SLC10A7: variants seen among roughly 807,000 people sequenced by gnomAD.
SLC10A7 encodes sodium/bile acid cotransporter 7.
In SLC10A7, 29 loss-of-function variants were observed where a neutral mutation model predicts 43.2. That is an observed-to-expected ratio of 0.67 (90% CI 0.50 to 0.92). The LOEUF is 0.92. Among genes scored for constraint, SLC10A7 ranks in the 40% least tolerant of loss-of-function variants. SLC10A7 has a pLI of 0.00. For synonymous variants in SLC10A7, 152 were observed against 144.8 expected, an observed-to-expected ratio of 1.05 and a Z score of -0.35; for missense variants, 295 against 403.2, an observed-to-expected ratio of 0.73 and a Z score of 2.30.
At chr4:146,506,654 C>G (rs978131628) in intron 3 of SLC10A7, among the ~76,000 whole-genome samples, 2 of 152,190 alleles carry the variant, frequency 1.3e-5, no homozygotes, top group African/African-American at 4.8e-5. Context: ...TCTTACCTCT[C>G]AGGCCACTCT....
At chr4:146,435,022 T>C (rs1289767465) in intron 5 of SLC10A7, among the ~76,000 whole-genome samples, 3 of 151,664 alleles carry the variant, frequency 2.0e-5, no homozygotes, top group Admixed American at 2.0e-4. Context: ...TTTTTTTTAA[T>C]TATTTTTTCA....
intron 5 of SLC10A7, among the ~76,000 whole-genome samples, chr4:146,425,420 G>A (rs1729267121): frequency 6.6e-6 from 1 of 152,178 alleles, no homozygotes. Flanking sequence ...AGTCACATGT[G>A]TCTGTTGGAT....
intron 5 of SLC10A7, among the ~76,000 whole-genome samples, chr4:146,375,175 C>T (rs915396021): frequency 3.3e-5 from 5 of 152,078 alleles, no homozygotes; most frequent in Non-Finnish European, 2.9e-5. Context: ...CACTGCACTC[C>T]GGCCTGGGTG....
At chr4:146,506,613 A>G (rs79909769) in intron 3 of SLC10A7, among the ~76,000 whole-genome samples, 1 of 152,166 alleles carries the variant, frequency 6.6e-6, no homozygotes, top group East Asian at 1.9e-4. Flanking sequence ...CAAATCTGGT[A>G]TATTTTTCCT....
At chr4:146,358,076 A>G (rs1404251255) in intron 5 of SLC10A7, among the ~76,000 whole-genome samples, 1 of 151,256 alleles carries the variant, frequency 6.6e-6, no homozygotes. Flanking sequence ...ACCCCCACAA[A>G]AAAAAAAAAA....
At chr4:146,494,920 G>A (rs760415316) in intron 4 of SLC10A7, among the ~76,000 whole-genome samples, 4 of 152,116 alleles carry the variant, frequency 2.6e-5, no homozygotes, top group Non-Finnish European at 4.4e-5. Flanking sequence ...ATCTAGGTAC[G>A]TTTCACAAGT....
chr4:146,430,804 G>T (rs1186891192), intron 5 of SLC10A7, among the ~76,000 whole-genome samples: 2 of 152,146 alleles, frequency 1.3e-5, no homozygotes, highest in African/African-American at 2.4e-5. Context: ...TAGAAGATTT[G>T]TGGTGCTTTG....
chr4:146,488,358 G>A (rs1579316623), intron 4 of SLC10A7, among the ~76,000 whole-genome samples: 1 of 151,756 alleles, frequency 6.6e-6, no homozygotes, highest in East Asian at 1.9e-4. Flanking sequence ...TTTAAATAAG[G>A]GAAAGAAATT....
At chr4:146,331,768 T>A (rs573731875) in intron 5 of SLC10A7, among the ~76,000 whole-genome samples, 28 of 152,328 alleles carry the variant, frequency 1.8e-4, no homozygotes, top group Non-Finnish European at 1.5e-5. Context: ...TCATCTTTTG[T>A]CCTGTGGTCA....
At chr4:146,462,764 A>C (rs72729891) in intron 4 of SLC10A7, among the ~76,000 whole-genome samples, 8,378 of 152,226 alleles carry the variant, frequency 0.055, 280 homozygotes, top group Middle Eastern at 0.088. Flanking sequence ...GAGATGATTT[A>C]ATAAAGAGGC....
chr4:146,514,005 T>G (rs1225855349), intron 2 of SLC10A7: 2 of 152,198 alleles, frequency 1.3e-5, no homozygotes, highest in African/African-American at 4.8e-5. Flanking sequence ...AGAGTCTCAT[T>G]GACAGCATCA....
chr4:146,366,992 GTTTTTTGTTTTTTTGTTT>G (rs1736435378), intron 5 of SLC10A7, among the ~76,000 whole-genome samples: 1 of 150,798 alleles, frequency 6.6e-6, no homozygotes, highest in Admixed American at 6.6e-5. Flanking sequence ...CAATAAGCAA[GTTTTTTGTTTTTTTGTTT>G]TTTTTTGTTT....
chr4:146,506,868 C>T (rs757503650), intron 3 of SLC10A7, among the ~76,000 whole-genome samples: 4 of 151,974 alleles, frequency 2.6e-5, no homozygotes, highest in Non-Finnish European at 5.9e-5. Flanking sequence ...CTACAATTCC[C>T]GAATTTGTAG....
intron 4 of SLC10A7, among the ~76,000 whole-genome samples, chr4:146,454,761 T>C (rs1731908694): frequency 6.6e-6 from 1 of 151,890 alleles, no homozygotes; most frequent in Non-Finnish European, 1.5e-5. Context: ...AAAAGGAAAC[T>C]ACTTAAAAGT....
chr4:146,352,888 T>G (rs1298765931), intron 5 of SLC10A7, among the ~76,000 whole-genome samples: 1 of 143,232 alleles, frequency 7.0e-6, no homozygotes, highest in Admixed American at 7.0e-5. Context: ...TTCAAAGCAG[T>G]GTATAGAGGG....
chr4:146,440,250 G>C (rs72729878), intron 5 of SLC10A7, among the ~76,000 whole-genome samples: 13,899 of 151,374 alleles, frequency 0.092, 700 homozygotes, highest in Non-Finnish European at 0.11. Context: ...TTCAAAGAAA[G>C]AAGACTCAGG....
At chr4:146,297,615 T>C (rs1730875316) in intron 7 of SLC10A7, among the ~76,000 whole-genome samples, 1 of 152,234 alleles carries the variant, frequency 6.6e-6, no homozygotes, top group African/African-American at 2.4e-5. Flanking sequence ...GACTTTTCTC[T>C]TCAAGGTGGT....
intron 5 of SLC10A7, among the ~76,000 whole-genome samples, chr4:146,351,006 C>A (rs959829602): frequency 9.3e-5 from 14 of 150,650 alleles, no homozygotes; most frequent in Admixed American, 8.6e-4. Flanking sequence ...CAGTTCCTCA[C>A]CAGCAACGGA....
chr4:146,327,435 C>T (rs538679319), intron 5 of SLC10A7, among the ~76,000 whole-genome samples: 2 of 152,274 alleles, frequency 1.3e-5, no homozygotes, highest in African/African-American at 4.8e-5. Context: ...TGACAAATAA[C>T]TGATAACTTC....
Sources: gnomAD v4.1 joint callset for allele counts (sites outside exome capture counted in the v4.1 genomes callset) on GRCh38, gnomAD v4.1.1 for gene constraint, MANE v1.5 for transcripts, NCBI Gene and HGNC (gene_info 2026-07-23, HGNC 2026-07-21) for gene names.